Variants in WHRN observed in about 807,000 individuals in gnomAD.
The protein encoded by WHRN is CASK-interacting protein CIP98.
In WHRN, 41 loss-of-function variants were observed where a neutral mutation model predicts 68.3. The observed-to-expected ratio is 0.60, with a 90% confidence interval of 0.47 to 0.78. The LOEUF (loss-of-function observed/expected upper bound fraction) is 0.78, where lower values mean the gene tolerates loss of function less well. Among genes scored for constraint, WHRN ranks in the 30% least tolerant of loss-of-function variants. The pLI is 0.00. For synonymous variants in WHRN, 560 were observed against 561.3 expected (o/e 1.00, Z 0.03); for missense variants, 1,243 against 1,244.7 (o/e 1.00, Z 0.02).
intron 2 of WHRN, among the ~76,000 whole-genome samples, chr9:114,473,208 G>T (rs1841386005): frequency 6.6e-6 from 1 of 152,208 alleles, no homozygotes; most frequent in African/African-American, 2.4e-5. Context: ...TAAAGCTCAT[G>T]GGCAAATGAC....
intron 8 of WHRN, among the ~76,000 whole-genome samples, chr9:114,407,318 C>A (rs545419645): frequency 6.6e-6 from 1 of 152,310 alleles, no homozygotes; most frequent in Middle Eastern, 3.4e-3. Flanking sequence ...GAGATGGATA[C>A]ATGGGCTGGG....
intron 3 of WHRN, among the ~76,000 whole-genome samples, chr9:114,454,776 A>C (rs1839633130): frequency 6.6e-6 from 1 of 152,162 alleles, no homozygotes; most frequent in South Asian, 2.1e-4. Flanking sequence ...CTGAAATAAG[A>C]ACAAATTGGA....
At chr9:114,499,617 G>C (rs2133412649) in intron 1 of WHRN, among the ~76,000 whole-genome samples, 1 of 152,328 alleles carries the variant, frequency 6.6e-6, no homozygotes, top group South Asian at 2.1e-4. Context: ...GCAGGATGGA[G>C]GGGGGATTAT....
At chr9:114,464,860 TGATGATGTC>T (rs1459200811) in intron 3 of WHRN, among the ~76,000 whole-genome samples, 6 of 111,286 alleles carry the variant, frequency 5.4e-5, no homozygotes, top group East Asian at 3.0e-4. Flanking sequence ...ATGATGATGA[TGATGATGTC>T]GTCTGTCTGT....
intron 4 of WHRN, 51 bp from the exon 5 acceptor site, chr9:114,425,075 G>A: frequency 6.3e-7 from 1 of 1,586,788 alleles, no homozygotes. Flanking sequence ...AGATCAAATG[G>A]GCGTGGGCAA....
At chr9:114,473,147 G>C (rs529472505) in intron 2 of WHRN, among the ~76,000 whole-genome samples, 1 of 152,224 alleles carries the variant, frequency 6.6e-6, no homozygotes, top group South Asian at 2.1e-4. Flanking sequence ...GCAGAGTAAG[G>C]GGCCGTGGGA....
chr9:114,502,419 TAAAC>T (rs1464436989), intron 1 of WHRN, among the ~76,000 whole-genome samples: 1 of 151,522 alleles, frequency 6.6e-6, no homozygotes, highest in Non-Finnish European at 1.5e-5. Context: ...GCAGCAAGAG[TAAAC>T]AAACAAGCTA....
intron 2 of WHRN, among the ~76,000 whole-genome samples, chr9:114,471,530 C>G (rs1399698596): frequency 6.6e-6 from 1 of 152,238 alleles, no homozygotes; most frequent in African/African-American, 2.4e-5. Flanking sequence ...TTGGGAAAAG[C>G]CCTGTTGCTT....
intron 1 of WHRN, 82 bp from the exon 2 acceptor site, chr9:114,478,853 G>T: frequency 7.3e-7 from 1 of 1,377,908 alleles, no homozygotes; most frequent in Non-Finnish European, 1.0e-6. Flanking sequence ...CCAGACCTTG[G>T]TTTTTCTCAG....
At chr9:114,490,285 AG>A (rs1459697221) in intron 1 of WHRN, among the ~76,000 whole-genome samples, 1 of 152,246 alleles carries the variant, frequency 6.6e-6, no homozygotes, top group Non-Finnish European at 1.5e-5. Flanking sequence ...GCAAGGAAGC[AG>A]GTGATTCGAC....
chr9:114,485,290 G>A (rs1287480171), intron 1 of WHRN, among the ~76,000 whole-genome samples: 1 of 152,238 alleles, frequency 6.6e-6, no homozygotes, highest in African/African-American at 2.4e-5. Context: ...CCTAGCTGGG[G>A]CTTTGTGTGT....
At position 114,402,235 on chromosome 9, in the gene WHRN, T is replaced by G; in HGVS notation, c.*519A>C. On this transcript the variant is annotated 3_prime_UTR_variant, in exon 12 of 12. Transcript: ENST00000362057. The stretch of plus-strand genomic sequence containing the variant: ...GTCCCCAGGGGCATGGGGAGGGAAA[T>G]AAATAATAAACACCATGGGGGATAA... 3 of 165,712 alleles carry G rather than the reference T, an allele frequency of 1.8e-5. No individual in the cohort carries two copies. Among genetic ancestry groups the G allele is most frequent in the Admixed American group, 5.8e-5 (1 of 17,258 alleles). 10.3% of individuals were successfully genotyped at this position (165,712 alleles called of 1,614,324 possible). A position where few individuals can be genotyped will look rare whatever the true frequency, so the allele number is the denominator to read the frequency against.
At chr9:114,466,487 G>GCATCTTATC in intron 2 of WHRN, 95 bp from the exon 3 acceptor site, 1 of 1,562,858 alleles carries the variant, frequency 6.4e-7, no homozygotes, top group East Asian at 2.2e-5. Flanking sequence ...TTTGAAGAGC[G>GCATCTTATC]CATCTTATCC....
At chr9:114,490,019 G>T in intron 1 of WHRN, among the ~76,000 whole-genome samples, 1 of 152,202 alleles carries the variant, frequency 6.6e-6, no homozygotes. Context: ...GTTTCTCAAA[G>T]AACTGTGGCT....
At chr9:114,403,832 T>TC in intron 10 of WHRN, 64 bp downstream of exon 10, 1 of 1,591,990 alleles carries the variant, frequency 6.3e-7, no homozygotes. Flanking sequence ...TCCCGGGACC[T>TC]CCCATTCTGT....
intron 3 of WHRN, among the ~76,000 whole-genome samples, chr9:114,448,662 G>A (rs971871497): frequency 1.3e-5 from 2 of 152,118 alleles, no homozygotes; most frequent in African/African-American, 4.8e-5. Context: ...ACCATTCTTA[G>A]AGGCAGCCCA....
intron 9 of WHRN, among the ~76,000 whole-genome samples, chr9:114,406,023 C>G (rs372262024): frequency 5.3e-5 from 8 of 152,256 alleles, no homozygotes; most frequent in Non-Finnish European, 1.2e-4. Flanking sequence ...CTGCCCTCCA[C>G]GAGTTCAGTC....
At chr9:114,406,036 C>T (rs1041680954) in intron 9 of WHRN, among the ~76,000 whole-genome samples, 2 of 152,244 alleles carry the variant, frequency 1.3e-5, no homozygotes, top group African/African-American at 2.4e-5. Context: ...GTTCAGTCCT[C>T]CTGGTGAACA....
chr9:114,433,557 T>C (rs1001409335), intron 3 of WHRN, among the ~76,000 whole-genome samples: 2 of 152,264 alleles, frequency 1.3e-5, no homozygotes, highest in Non-Finnish European at 2.9e-5. Context: ...GAATCTTTAA[T>C]AGTTTTCCAT....
Sources: gnomAD v4.1 joint callset for allele counts (sites outside exome capture counted in the v4.1 genomes callset) on GRCh38, gnomAD v4.1.1 for gene constraint, MANE v1.5 for transcripts, NCBI Gene and HGNC (gene_info 2026-07-23, HGNC 2026-07-21) for gene names.